The following CRH variants were observed in gnomAD, a reference collection of about 807,000 sequenced individuals.
CRH encodes the protein corticotropin-releasing hormone.
A neutral mutation model predicts 11.1 loss-of-function variants in CRH; 6 were observed. The observed-to-expected ratio is 0.54, with a 90% CI of 0.30 to 1.07. The LOEUF (loss-of-function observed/expected upper bound fraction) is 1.07, where lower values mean the gene tolerates loss of function less well. Among genes scored for constraint, CRH ranks in the 50% least tolerant of loss-of-function variants. The probability of loss-of-function intolerance (pLI) is 0.07; values close to 1 mark genes in which losing one functional copy is unlikely to be tolerated. For synonymous variants in CRH, 155 were observed against 132.0 expected (o/e 1.17, Z -1.19); for missense variants, 289 against 269.4 (o/e 1.07, Z -0.51).
At position 66,177,487 on chromosome 8, in the gene CRH, A is replaced by G. The variant is rs749897364; in HGVS notation, c.-10T>C. The G allele has an allele frequency of 2.2e-4, 334 of 1,532,152 alleles. No homozygotes were observed. The highest frequency in any genetic ancestry group is 2.7e-4 in the Non-Finnish European group (307 of 1,145,116). The allele number at this position is 1,532,152 out of a possible 1,614,324, so 94.9% of individuals were successfully genotyped here. A position where few individuals can be genotyped will look rare whatever the true frequency, so the allele number is the denominator to read the frequency against. On this transcript the variant is annotated 5_prime_UTR_variant, in exon 2 of 2. Coordinates refer to ENST00000276571, the MANE Select transcript of CRH (RefSeq NM_000756.4). ...GCAGCGGCAGCCGCATGTTAGGGGC[A>G]CTCGCTGCGGCACAGAGGTGGGCGG...
rs781753681 is a variant in CRH at position 66,177,387 on chromosome 8, C to T, written c.91G>A (p.Val31Ile). Reference sequence around the variant, plus strand: ...TGCGGCGCCTGCCGAGCTCCCGGGACCGGCCCGCGGCTCAGGAGCGCCCTG... The same window carrying T: ...TGCGGCGCCTGCCGAGCTCCCGGGATCGGCCCGCGGCTCAGGAGCGCCCTG... ...PCRALLSRGP[V>I]PGARQAPQHP... The change falls in exon 2 of 2, where the codon GTC (valine) becomes ATC (isoleucine). Residue 31 changes from valine (V) to isoleucine (I), a missense_variant. Around this residue, in one of 2 missense-constraint regions of CRH, gnomAD observed 261 missense variants for 219.0 expected, o/e 1.19. Coordinates refer to ENST00000276571, the MANE Select transcript of CRH (RefSeq NM_000756.4). 7.0e-5 allele frequency: 108 copies of T among 1,539,724 alleles called. No individual in the cohort carries two copies. In the South Asian group the frequency reaches 1.2e-3, roughly 18 times the overall value.
At chr8:66,177,539 G>A (rs1346371700) in intron 1 of CRH, 48 bp from the exon 2 acceptor site, 27 of 1,494,866 alleles carry the variant, frequency 1.8e-5, no homozygotes, top group Non-Finnish European at 2.3e-5. Flanking sequence ...GGGGAAGAGA[G>A]AAAGAAAGAG....
At position 66,177,176 on chromosome 8, in the gene CRH, C is replaced by T. The variant is rs865912065; in HGVS notation, c.302G>A (p.Arg101His). The T allele has an allele frequency of 1.9e-6, 3 of 1,540,848 alleles. No homozygotes were observed. In the East Asian group the frequency reaches 7.3e-5, roughly 38 times the overall value. The change falls in exon 2 of 2, where the codon CGC becomes CAC. Residue 101 changes from arginine (R) to histidine (H), a missense_variant. Physicochemically the swap from Arg to His is conservative, Grantham distance 29 (BLOSUM62 0). Transcript: ENST00000276571. ...GGCGGTCGCCTGTTCCGGCGAAGGGCGGCTGCCGCTGCCTCCGGCGAGGAG... is the reference window on the plus strand; with the variant it reads ...GGCGGTCGCCTGTTCCGGCGAAGGGTGGCTGCCGCTGCCTCCGGCGAGGAG... ...SSLLAGGSGS[R>H]PSPEQATANF...
chr8:66,176,691 T>G lies in CRH; in HGVS notation c.*196A>C. On this transcript the variant is annotated 3_prime_UTR_variant, in exon 2 of 2. Transcript: ENST00000276571. ...CTAAACGTAGACAAAACGAATAACA[T>G]TGTGTTGCTGCTGCACGTGAATACA... The G allele has an allele frequency of 3.5e-5, 19 of 543,978 alleles. No individual in the cohort carries two copies. Among genetic ancestry groups the G allele is most frequent in the East Asian group, 7.2e-5 (2 of 27,636 alleles). The allele number at this position is 543,978 out of a possible 1,614,324, so 33.7% of individuals were successfully genotyped here. A position where few individuals can be genotyped will look rare whatever the true frequency, so the allele number is the denominator to read the frequency against.
In CRH at chr8:66,177,335, T is replaced by C. The variant is rs1186087430; in HGVS notation, c.143A>G (p.Gln48Arg). The C allele has an allele frequency of 5.8e-6, 9 of 1,553,440 alleles. No individual in the cohort carries two copies. The highest frequency in any genetic ancestry group is 7.8e-6 in the Non-Finnish European group (9 of 1,154,204). ...PQHPQPLDFF[Q>R]PPPQSEQPQQ... ...GGGCTGCTCGGACTGCGGCGGCGGC[T>C]GGAAGAAATCCAAGGGCTGAGGGTG... Residue 48 changes from glutamine (Q) to arginine (R), a missense_variant, in exon 2 of 2, where the codon CAG becomes CGG. Coordinates refer to ENST00000276571, the MANE Select transcript of CRH (RefSeq NM_000756.4).
chr8:66,177,006 G>A lies in CRH; in HGVS notation c.472C>T (p.Pro158Ser). 12 of 1,614,148 alleles carry A rather than the reference G, an allele frequency of 7.4e-6. No homozygotes were observed. Among genetic ancestry groups the A allele is most frequent in the Non-Finnish European group, 1.0e-5 (12 of 1,180,008 alleles). ...TGGAAGGTGAGATCCAGGGAGATGG[G>A]AGGCTCCTCGGACCGCCTTTCTCTC... Reference protein sequence around the residue: ...PERERRSEEPPISLDLTFHLL... With the variant: ...PERERRSEEPSISLDLTFHLL... The change falls in exon 2 of 2, where the codon CCC becomes TCC. Residue 158 changes from proline (P) to serine (S), a missense_variant. Physicochemically the swap from Pro to Ser is moderately conservative, Grantham distance 74. This residue lies in a region of CRH where 28 missense variants were observed against 50.5 expected (regional missense o/e 0.55). Coordinates refer to ENST00000276571, the MANE Select transcript of CRH (RefSeq NM_000756.4).
chr8:66,177,598 G>A, intron 1 of CRH, 107 bp from the exon 2 acceptor site: 1 of 1,401,878 alleles, frequency 7.1e-7, no homozygotes, highest in South Asian at 1.4e-5. Flanking sequence ...TCTTCCTACG[G>A]GACTGCCTTA....
chr8:66,177,349 G>C lies in CRH; in HGVS notation c.129C>G (p.Pro43=), dbSNP rs1427426099. ...GARQAPQHPQ[P]LDFFQPPPQS... is the part of the protein sequence containing the mutation. The stretch of plus-strand genomic sequence containing the variant: ...GCGGCGGCGGCTGGAAGAAATCCAA[G>C]GGCTGAGGGTGCTGCGGCGCCTGCC... Residue 43 remains proline (P), a synonymous_variant, in exon 2 of 2, where the codon CCC becomes CCG. Coordinates refer to ENST00000276571, the MANE Select transcript of CRH (RefSeq NM_000756.4). 6 of 1,550,694 alleles carry C rather than the reference G, an allele frequency of 3.9e-6. No homozygotes were observed. The East Asian group carries it at 1.4e-4, about 37-fold the overall frequency.
In CRH at chr8:66,176,745, GCTCTCTCC is replaced by G. The variant is rs942438053; in HGVS notation, c.*134_*141del. ...TGTGCATGCTAAGTAAGGGGTATAGGCTCTCTCCCTCTCTCCCTCTATGTTTCAAGCTA... is the reference window on the plus strand; with the variant it reads ...TGTGCATGCTAAGTAAGGGGTATAGGCTCTCTCCCTCTATGTTTCAAGCTA... On this transcript the variant is annotated 3_prime_UTR_variant, in exon 2 of 2. Transcript: ENST00000276571. The G allele has an allele frequency of 1.2e-5, 13 of 1,056,396 alleles. No individual in the cohort carries two copies. Among genetic ancestry groups the G allele is most frequent in the African/African-American group, 1.2e-4 (7 of 59,956 alleles). The allele number at this position is 1,056,396 out of a possible 1,614,324, so 65.4% of individuals were successfully genotyped here. A position where few individuals can be genotyped will look rare whatever the true frequency, so the allele number is the denominator to read the frequency against.
At chr8:66,177,578 G>T in intron 1 of CRH, 87 bp from the exon 2 acceptor site, 2 of 1,442,946 alleles carry the variant, frequency 1.4e-6, no homozygotes, top group Non-Finnish European at 1.8e-6. Flanking sequence ...GCTGGGAGGT[G>T]CACACGGGGT....
chr8:66,177,357 G>T lies in CRH; in HGVS notation c.121C>A (p.Pro41Thr). The change falls in exon 2 of 2, where the codon CCT (proline) becomes ACT (threonine). Residue 41 changes from proline (P) to threonine (T), a missense_variant. By Grantham distance (38) the Pro-to-Thr change is conservative (BLOSUM62 -1). Coordinates refer to ENST00000276571, the MANE Select transcript of CRH (RefSeq NM_000756.4). ...GGCTGGAAGAAATCCAAGGGCTGAG[G>T]GTGCTGCGGCGCCTGCCGAGCTCCC... ...VPGARQAPQH[P>T]QPLDFFQPPP... 6.5e-7 allele frequency: 1 copy of T among 1,547,618 alleles called. No individual in the cohort carries two copies. The highest frequency in any genetic ancestry group is 8.7e-7 in the Non-Finnish European group (1 of 1,151,068).
In CRH at chr8:66,176,797, G is replaced by A; in HGVS notation, c.*90C>T. ...CAAGCTATATAAAAATAAACAAATGGCATAAGAGCAGCGCTATGGTACAGA... is the reference window on the plus strand; with the variant it reads ...CAAGCTATATAAAAATAAACAAATGACATAAGAGCAGCGCTATGGTACAGA... On this transcript the variant is annotated 3_prime_UTR_variant, in exon 2 of 2. Transcript: ENST00000276571. The A allele has an allele frequency of 7.1e-7, 1 of 1,416,296 alleles. No homozygotes were observed. The highest frequency in any genetic ancestry group is 2.6e-5 in the East Asian group (1 of 39,048). The allele number at this position is 1,416,296 out of a possible 1,614,324, so 87.7% of individuals were successfully genotyped here.
rs1811917208 is a variant in CRH at position 66,177,240 on chromosome 8, T to C, written c.238A>G (p.Asn80Asp). 1 of 1,542,434 alleles carries C rather than the reference T, an allele frequency of 6.5e-7. No homozygotes were observed. Among genetic ancestry groups the C allele is most frequent in the African/African-American group, 1.4e-5 (1 of 73,076 alleles). ...EEYFLRLGNLNKSPAAPLSPA... is the reference protein window; with the variant it reads ...EEYFLRLGNLDKSPAAPLSPA... ...GAAAGGGGAGCGGCCGGGCTCTTGT[T>C]GAGGTTCCCCAGGCGGAGGAAGTAC... Residue 80 changes from asparagine (N) to aspartate (D), a missense_variant, in exon 2 of 2, where the codon AAC becomes GAC. Physicochemically the swap from Asn to Asp is conservative, Grantham distance 23 (BLOSUM62 1). Coordinates refer to ENST00000276571, the MANE Select transcript of CRH (RefSeq NM_000756.4).
chr8:66,177,310 G>A lies in CRH; in HGVS notation c.168C>T (p.Pro56=). 6.4e-7 allele frequency: 1 copy of A among 1,556,780 alleles called. No individual in the cohort carries two copies. The change falls in exon 2 of 2, where the codon CCC becomes CCT. Residue 56 remains proline, a synonymous_variant. Transcript: ENST00000276571. The stretch of plus-strand genomic sequence containing the variant: ...GGACCGGCCGAGCCTGCGGCTGCTG[G>A]GGCTGCTCGGACTGCGGCGGCGGCT... ...FFQPPPQSEQ[P]QQPQARPVLL...
chr8:66,177,673 G>T (rs1485659614), intron 1 of CRH, among the ~76,000 whole-genome samples, 182 bp from the exon 2 acceptor site: 1 of 152,200 alleles, frequency 6.6e-6, no homozygotes, highest in Non-Finnish European at 1.5e-5. Flanking sequence ...AGCGCCTGGG[G>T]AGCGGGGAAA....
chr8:66,177,676 C>A (rs576366076), intron 1 of CRH, among the ~76,000 whole-genome samples, 185 bp from the exon 2 acceptor site: 1 of 152,044 alleles, frequency 6.6e-6, no homozygotes. Flanking sequence ...GCCTGGGGAG[C>A]GGGGAAAGGG....
Position 66,177,100 on chromosome 8 carries a change from G to T in CRH, c.378C>A (p.Leu126=), listed in dbSNP as rs757548677. Residue 126 remains leucine, a synonymous_variant, in exon 2 of 2, where the codon CTC becomes CTA. Transcript: ENST00000276571. ...GCTCCGCGAGAGCCGCGGGGCTGTC[G>T]AGCGAGCGCCGAGGCAGCAGCAGCT... The part of the protein sequence containing the change: ...LQQLLLPRRS[L]DSPAALAERG... 1.6e-5 allele frequency: 25 copies of T among 1,583,420 alleles called. No individual in the cohort carries two copies. Among genetic ancestry groups the T allele is most frequent in the Non-Finnish European group, 2.1e-5 (25 of 1,163,322 alleles).
Position 66,177,344 on chromosome 8 carries a change from T to A in CRH, c.134A>T (p.Asp45Val). 6.4e-7 allele frequency: 1 copy of A among 1,552,164 alleles called. No individual in the cohort carries two copies. Residue 45 changes from aspartate to valine, a missense_variant, in exon 2 of 2, where the codon GAT becomes GTT. Asp to Val is a radical substitution (Grantham distance 152, BLOSUM62 -3). Coordinates refer to ENST00000276571, the MANE Select transcript of CRH (RefSeq NM_000756.4). ...GGACTGCGGCGGCGGCTGGAAGAAA[T>A]CCAAGGGCTGAGGGTGCTGCGGCGC... Reference protein sequence around the residue: ...RQAPQHPQPLDFFQPPPQSEQ... With the variant: ...RQAPQHPQPLVFFQPPPQSEQ...
Position 66,177,506 on chromosome 8 carries a change from T to G in CRH, c.-14-15A>C, listed in dbSNP as rs760418489. 40 of 1,519,920 alleles carry G rather than the reference T, an allele frequency of 2.6e-5. No individual in the cohort carries two copies. The highest frequency in any genetic ancestry group is 2.2e-4 in the Middle Eastern group (1 of 4,508). The allele number at this position is 1,519,920 out of a possible 1,614,324, so 94.2% of individuals were successfully genotyped here. A position where few individuals can be genotyped will look rare whatever the true frequency, so the allele number is the denominator to read the frequency against. ...AGGGGCACTCGCTGCGGCACAGAGG[T>G]GGGCGGAGGGCGGAATGAGAGAGGG... On this transcript the variant is annotated splice_polypyrimidine_tract_variant and intron_variant, in intron 1 of 1. Coordinates refer to ENST00000276571, the MANE Select transcript of CRH (RefSeq NM_000756.4).
Sources: gnomAD v4.1 joint callset for allele counts (sites outside exome capture counted in the v4.1 genomes callset) on GRCh38, gnomAD v4.1.1 for gene constraint, gnomAD v4.1.1 regional missense constraint, MANE v1.5 for transcripts, NCBI Gene and HGNC (gene_info 2026-07-23, HGNC 2026-07-21) for gene names.